The following ZNF236 variants were observed in gnomAD, a reference collection of about 807,000 sequenced individuals.
ZNF236 encodes the protein zinc finger protein 236.
A neutral mutation model predicts 191.2 loss-of-function variants in ZNF236; 50 were observed. That is an observed-to-expected ratio of 0.26 (90% CI 0.21 to 0.33). The LOEUF (loss-of-function observed/expected upper bound fraction) is 0.33, where lower values mean the gene tolerates loss of function less well. Among genes scored for constraint, ZNF236 ranks in the 10% least tolerant of loss-of-function variants. The pLI, the probability that ZNF236 is intolerant of heterozygous loss-of-function variation, is 1.00. For synonymous variants in ZNF236, 907 were observed against 928.8 expected (o/e 0.98, Z 0.43); for missense variants, 1,754 against 2,374.5 (o/e 0.74, Z 5.43).
intron 4 of ZNF236, 125 bp from the exon 5 acceptor site, chr18:76,871,576 T>C: frequency 3.0e-6 from 3 of 1,011,358 alleles, no homozygotes; most frequent in Non-Finnish European, 3.0e-6. Context: ...ATATATGTGA[T>C]TGATTTATCA....
chr18:76,968,894 T>C lies in ZNF236; in HGVS notation c.*555T>C, dbSNP rs983494494. 2 of 985,892 alleles carry C rather than the reference T, an allele frequency of 2.0e-6. No homozygotes were observed. Among genetic ancestry groups the C allele is most frequent in the African/African-American group, 3.5e-5 (2 of 57,238 alleles). The allele number at this position is 985,892 out of a possible 1,614,324, so 61.1% of individuals were successfully genotyped here. ...TCAGTCTACCATAAGTTAATATAAC[T>C]GATACCTTGAGAGATGGCTGGACCA... On this transcript the variant is annotated 3_prime_UTR_variant, in exon 31 of 31. Coordinates refer to ENST00000320610, the MANE Select transcript of ZNF236 (RefSeq NM_001306089.2).
chr18:76,838,617 A>G (rs1352816108), intron 1 of ZNF236, among the ~76,000 whole-genome samples: 5 of 152,218 alleles, frequency 3.3e-5, no homozygotes, highest in African/African-American at 1.2e-4. Context: ...CCTGAGTTTC[A>G]GCAAACCTTT....
chr18:76,849,690 G>A (rs1468496199), intron 2 of ZNF236, 22 bp downstream of exon 2: 6 of 1,503,514 alleles, frequency 4.0e-6, no homozygotes, highest in Non-Finnish European at 4.4e-6. Flanking sequence ...CAAAGGTGAT[G>A]TCAGGAATGT....
rs1261388749 is a variant in ZNF236, at chr18:76,968,292, G to T, written c.5497G>T (p.Val1833Leu). ...LSRTLHLEEV[V>L]QEAAGEWQAL... ...CCGGACCCTCCACCTGGAGGAGGTG[G>T]TGCAGGAGGCCGCCGGCGAGTGGCA... The change falls in exon 31 of 31, where the codon GTG becomes TTG. Residue 1833 changes from valine (V) to leucine (L), a missense_variant. Val to Leu is a conservative substitution (Grantham distance 32). This residue lies in a region of ZNF236 where 606 missense variants were observed against 761.5 expected (regional missense o/e 0.80). Transcript: ENST00000320610. 1.2e-6 allele frequency: 2 copies of T among 1,610,936 alleles called. No homozygotes were observed. The highest frequency in any genetic ancestry group is 1.7e-6 in the Non-Finnish European group (2 of 1,179,188).
At chr18:76,914,716 T>C (rs180806794) in intron 18 of ZNF236, among the ~76,000 whole-genome samples, 1 of 152,224 alleles carries the variant, frequency 6.6e-6, no homozygotes, top group Non-Finnish European at 1.5e-5. Context: ...CATTTTAAAA[T>C]TGGATTATTT....
intron 1 of ZNF236, chr18:76,824,432 A>T: frequency 1.3e-6 from 1 of 781,072 alleles, no homozygotes; most frequent in East Asian, 2.4e-5. Flanking sequence ...GTTGGATAAC[A>T]GCAGTGCTCA....
chr18:76,937,038 T>C, intron 25 of ZNF236, 118 bp from the exon 26 acceptor site: 1 of 851,750 alleles, frequency 1.2e-6, no homozygotes. Flanking sequence ...TTGGTGCAGC[T>C]TGGAGACCTC....
chr18:76,860,067 G>A (rs1362450025), intron 3 of ZNF236, among the ~76,000 whole-genome samples: 2 of 152,144 alleles, frequency 1.3e-5, no homozygotes, highest in Non-Finnish European at 2.9e-5. Flanking sequence ...CTGGAGGTGG[G>A]GGCTTCTGAA....
At chr18:76,962,431 C>A (rs1325661670) in intron 30 of ZNF236, among the ~76,000 whole-genome samples, 1 of 152,128 alleles carries the variant, frequency 6.6e-6, no homozygotes, top group African/African-American at 2.4e-5. Flanking sequence ...TATTTTTATA[C>A]CAGTACCATG....
chr18:76,920,570 G>C (rs1254523799), intron 20 of ZNF236, among the ~76,000 whole-genome samples: 1 of 147,996 alleles, frequency 6.8e-6, no homozygotes, highest in African/African-American at 2.5e-5. Context: ...AAAAAAGTCT[G>C]TTTTCTCTAT....
chr18:76,943,147 A>AGCAAATT (rs1968179021), intron 26 of ZNF236, among the ~76,000 whole-genome samples: 1 of 147,792 alleles, frequency 6.8e-6, no homozygotes, highest in Non-Finnish European at 1.5e-5. Context: ...AAAAAAGAAG[A>AGCAAATT]GCAAATTTGA....
chr18:76,964,970 A>T (rs1029575662), intron 30 of ZNF236, among the ~76,000 whole-genome samples: 1 of 152,096 alleles, frequency 6.6e-6, no homozygotes, highest in Non-Finnish European at 1.5e-5. Flanking sequence ...ATTCCCCCAG[A>T]TATGTTTTCC....
At chr18:76,883,737 G>A (rs1024409197) in intron 9 of ZNF236, among the ~76,000 whole-genome samples, 2 of 152,044 alleles carry the variant, frequency 1.3e-5, no homozygotes, top group African/African-American at 2.4e-5. Flanking sequence ...CTGGGGACAC[G>A]TTTCTATATA....
chr18:76,966,078 G>A (rs974704619), intron 30 of ZNF236, among the ~76,000 whole-genome samples: 2 of 152,200 alleles, frequency 1.3e-5, no homozygotes, highest in African/African-American at 4.8e-5. Flanking sequence ...TATTTGGGGT[G>A]TCTCCTGGGT....
chr18:76,900,908 C>T (rs1032707240), intron 11 of ZNF236, among the ~76,000 whole-genome samples: 2 of 152,102 alleles, frequency 1.3e-5, no homozygotes, highest in African/African-American at 4.8e-5. Context: ...AAAACTGTTC[C>T]ACTCAGATGT....
intron 15 of ZNF236, 28 bp downstream of exon 15, chr18:76,910,197 G>T (rs1193461652): frequency 1.9e-6 from 3 of 1,565,980 alleles, no homozygotes. Flanking sequence ...AATGAAATTT[G>T]TAAGTGAGCT....
chr18:76,845,848 TAAA>T (rs146207394), intron 1 of ZNF236, among the ~76,000 whole-genome samples: 1 of 142,668 alleles, frequency 7.0e-6, no homozygotes, highest in African/African-American at 2.6e-5. Context: ...GACTCCATCT[TAAA>T]AAAAAAAAAA....
chr18:76,848,199 T>A (rs17059970), intron 1 of ZNF236, among the ~76,000 whole-genome samples: 6,370 of 152,278 alleles, frequency 0.042, 396 homozygotes, highest in African/African-American at 0.14. Flanking sequence ...GATTTCAAGG[T>A]CTATAGAACA....
intron 17 of ZNF236, 43 bp from the exon 18 acceptor site, chr18:76,913,704 C>G (rs368287934): frequency 1.3e-6 from 2 of 1,593,306 alleles, no homozygotes; most frequent in Non-Finnish European, 1.7e-6. Context: ...TGTAATTGTG[C>G]TATGAATTAA....
Sources: gnomAD v4.1 joint callset for allele counts (sites outside exome capture counted in the v4.1 genomes callset) on GRCh38, gnomAD v4.1.1 for gene constraint, gnomAD v4.1.1 regional missense constraint, MANE v1.5 for transcripts, NCBI Gene and HGNC (gene_info 2026-07-23, HGNC 2026-07-21) for gene names.